The following KIF6 variants were observed in gnomAD, a reference collection of about 807,000 sequenced individuals.
KIF6 encodes kinesin family member 6.
KIF6 carries 106 observed loss-of-function variants against 112.7 expected under a neutral mutation model. The ratio of observed to expected loss-of-function variants is 0.94; its 90% CI spans 0.80 to 1.11. KIF6 has a LOEUF of 1.11. Among genes scored for constraint, KIF6 ranks in the 50% least tolerant of loss-of-function variants. KIF6 has a pLI of 0.00. For synonymous variants in KIF6, 339 were observed against 339.9 expected (o/e 1.00, Z 0.03); for missense variants, 929 against 964.0 (o/e 0.96, Z 0.48).
intron 6 of KIF6, among the ~76,000 whole-genome samples, chr6:39,612,022 A>G (rs1783240571): frequency 6.6e-6 from 1 of 152,230 alleles, no homozygotes; most frequent in African/African-American, 2.4e-5. Flanking sequence ...AACTCAACCT[A>G]TATAAGTTAG....
intron 7 of KIF6, among the ~76,000 whole-genome samples, chr6:39,592,367 T>C (rs1781999061): frequency 6.6e-6 from 1 of 152,200 alleles, no homozygotes; most frequent in Non-Finnish European, 1.5e-5. Context: ...AATTATCCTA[T>C]GAAAATTGAC....
intron 3 of KIF6, among the ~76,000 whole-genome samples, chr6:39,642,456 C>T (rs1784956418): frequency 6.6e-6 from 1 of 152,016 alleles, no homozygotes; most frequent in Non-Finnish European, 1.5e-5. Flanking sequence ...CTGTAGGGGG[C>T]AGTATGGATT....
intron 13 of KIF6, among the ~76,000 whole-genome samples, chr6:39,487,809 T>C (rs973266682): frequency 6.6e-6 from 1 of 152,206 alleles, no homozygotes; most frequent in Non-Finnish European, 1.5e-5. Context: ...CTTCTAAAAA[T>C]CCAAGCAGTA....
At chr6:39,408,276 A>G (rs973172343) in intron 15 of KIF6, among the ~76,000 whole-genome samples, 1 of 152,194 alleles carries the variant, frequency 6.6e-6, no homozygotes, top group African/African-American at 2.4e-5. Flanking sequence ...TGGAAGGAAT[A>G]TAAACTAATG....
At chr6:39,548,639 C>A (rs949490151) in intron 10 of KIF6, among the ~76,000 whole-genome samples, 1 of 152,190 alleles carries the variant, frequency 6.6e-6, no homozygotes. Context: ...CAGATGTTTT[C>A]GTTGTACTCC....
intron 15 of KIF6, among the ~76,000 whole-genome samples, chr6:39,389,614 G>C (rs1767705709): frequency 6.6e-6 from 1 of 152,150 alleles, no homozygotes. Context: ...GGGATGGTTT[G>C]CTTTCCTGCT....
At chr6:39,447,920 C>T (rs1437475105) in intron 13 of KIF6, among the ~76,000 whole-genome samples, 2 of 152,132 alleles carry the variant, frequency 1.3e-5, no homozygotes, top group East Asian at 1.9e-4. Flanking sequence ...GTTGGCCTCT[C>T]GGTAAATGGT....
chr6:39,530,271 C>T (rs1279012292), intron 13 of KIF6, among the ~76,000 whole-genome samples: 1 of 152,208 alleles, frequency 6.6e-6, no homozygotes, highest in African/African-American at 2.4e-5. Flanking sequence ...ATGGCATCAT[C>T]TGTGATGAGT....
At chr6:39,603,480 G>A (rs1314823635) in intron 6 of KIF6, among the ~76,000 whole-genome samples, 1 of 151,894 alleles carries the variant, frequency 6.6e-6, no homozygotes, top group African/African-American at 2.4e-5. Context: ...CTATACAGCA[G>A]GAGATACCTG....
intron 13 of KIF6, among the ~76,000 whole-genome samples, chr6:39,496,109 T>C (rs776972171): frequency 3.9e-5 from 6 of 152,316 alleles, no homozygotes; most frequent in Non-Finnish European, 8.8e-5. Flanking sequence ...CCCTTAACAT[T>C]AAACCTCTAA....
intron 12 of KIF6, 28 bp from the exon 13 acceptor site, chr6:39,540,249 C>G (rs1229794719): frequency 1.5e-6 from 2 of 1,367,922 alleles, no homozygotes; most frequent in Non-Finnish European, 2.1e-6. Context: ...GATTTAATGC[C>G]TGATGCTAGC....
At chr6:39,617,787 A>G (rs1783602060) in intron 5 of KIF6, 1 of 454,140 alleles carries the variant, frequency 2.2e-6, no homozygotes, top group Non-Finnish European at 4.4e-6. Context: ...AGCAATGTCA[A>G]GAGCAGGTGG....
chr6:39,669,172 A>G (rs1028517461), intron 3 of KIF6, among the ~76,000 whole-genome samples: 1 of 152,222 alleles, frequency 6.6e-6, no homozygotes, highest in African/African-American at 2.4e-5. Context: ...AAAATCTAAC[A>G]AAACAAACCA....
intron 3 of KIF6, among the ~76,000 whole-genome samples, chr6:39,651,830 T>C (rs1336555100): frequency 1.3e-5 from 2 of 152,220 alleles, no homozygotes; most frequent in African/African-American, 2.4e-5. Context: ...GCATCATGGA[T>C]ACACAACGAT....
chr6:39,484,041 G>C (rs1774967346), intron 13 of KIF6, among the ~76,000 whole-genome samples: 1 of 152,184 alleles, frequency 6.6e-6, no homozygotes. Context: ...TGATAATGAA[G>C]ATGAAGACAA....
intron 19 of KIF6, among the ~76,000 whole-genome samples, chr6:39,353,079 A>T (rs1006365303): frequency 3.3e-5 from 5 of 152,194 alleles, no homozygotes; most frequent in Non-Finnish European, 5.9e-5. Flanking sequence ...AATAACTAAA[A>T]TGCAATTGCT....
intron 3 of KIF6, among the ~76,000 whole-genome samples, chr6:39,651,962 T>C (rs1024439086): frequency 2.0e-5 from 3 of 152,074 alleles, no homozygotes; most frequent in African/African-American, 2.4e-5. Flanking sequence ...CAAACTACCC[T>C]GCAGGCCATA....
intron 3 of KIF6, among the ~76,000 whole-genome samples, chr6:39,642,277 C>A (rs532067947): frequency 3.9e-5 from 6 of 152,224 alleles, no homozygotes; most frequent in South Asian, 2.1e-4. Flanking sequence ...AGGCTCACAC[C>A]AATCCAAGAA....
chr6:39,583,613 T>C (rs1451490235), intron 9 of KIF6: 8 of 348,396 alleles, frequency 2.3e-5, no homozygotes, highest in Non-Finnish European at 4.3e-5. Context: ...ACAATTAATT[T>C]GTTGGTTTTT....
Sources: allele counts gnomAD v4.1 joint callset (sites outside exome capture counted in the v4.1 genomes callset), GRCh38; gene constraint gnomAD v4.1.1; transcripts MANE v1.5; gene names NCBI Gene and HGNC (gene_info 2026-07-23, HGNC 2026-07-21).